Variants in ARAP1 observed in about 807,000 individuals in gnomAD.
The protein encoded by ARAP1 is ArfGAP with RhoGAP domain, ankyrin repeat and PH domain 1, also known as arf-GAP with Rho-GAP domain, ANK repeat and PH domain-containing protein 1.
Under a neutral mutation model 172.2 loss-of-function variants are expected in ARAP1, and 76 were observed. The observed-to-expected ratio is 0.44, with a 90% CI of 0.37 to 0.53. The LOEUF is 0.53. ARAP1 is among the 20% of genes least tolerant of loss of function. The pLI is 0.00. For missense variants in ARAP1, 1,686 were observed against 1,977.5 expected, an observed-to-expected ratio of 0.85 and a Z score of 2.80; for synonymous variants, 804 against 803.3, an observed-to-expected ratio of 1.00 and a Z score of -0.01.
chr11:72,730,164 C>T (rs762511842), intron 2 of ARAP1, among the ~76,000 whole-genome samples: 7 of 151,882 alleles, frequency 4.6e-5, no homozygotes, highest in Middle Eastern at 3.4e-3. Flanking sequence ...AAATAAGAAA[C>T]GGATCAATAA....
At chr11:72,685,896 C>T (rs1451710624) in intron 34 of ARAP1, 146 bp downstream of exon 34, 4 of 1,470,376 alleles carry the variant, frequency 2.7e-6, no homozygotes, top group Non-Finnish European at 3.8e-6. Flanking sequence ...ACCAAAGAGG[C>T]CTATGAGGGC....
chr11:72,746,000 T>A (rs1324212253), intron 1 of ARAP1, among the ~76,000 whole-genome samples: 3 of 152,180 alleles, frequency 2.0e-5, no homozygotes, highest in Admixed American at 1.3e-4. Flanking sequence ...CCCCTCAGGC[T>A]CTTGATCTCT....
chr11:72,697,476 T>A lies in ARAP1; in HGVS notation c.2800A>T (p.Ile934Leu), dbSNP rs753474354. 3 of 1,613,320 alleles carry A rather than the reference T, an allele frequency of 1.9e-6. No individual in the cohort carries two copies. Among genetic ancestry groups the A allele is most frequent in the Non-Finnish European group, 8.5e-7 (1 of 1,179,704 alleles). ...VLVERRRTLYIQGERRLDFMG... is the reference protein window; with the variant it reads ...VLVERRRTLYLQGERRLDFMG... Reference sequence around the variant, plus strand: ...AAGTCCAGCCGCCGCTCGCCCTGTATGTACAGTGTCCTGGGCCAGGGACAG... The same window carrying A: ...AAGTCCAGCCGCCGCTCGCCCTGTAAGTACAGTGTCCTGGGCCAGGGACAG... Residue 934 changes from isoleucine (I) to leucine (L), a missense_variant, in exon 21 of 35, where the codon ATA becomes TTA. Around this residue, in one of 5 missense-constraint regions of ARAP1, gnomAD observed 274 missense variants for 262.7 expected, o/e 1.04. Transcript: ENST00000393609.
rs190535223 is a variant in ARAP1, at chr11:72,721,904, G to A, written c.509+4716C>T. On this transcript the variant is annotated intron_variant, in intron 3 of 34. Transcript: ENST00000393609. The stretch of plus-strand genomic sequence containing the variant: ...AGGACTCCCACAGCTCCGGCCAGGC[G>A]GGCTGCGTATGCCCAAGAATGTCGT... 295 of 985,918 alleles carry A rather than the reference G, an allele frequency of 3.0e-4. No homozygotes were observed. The African/African-American group carries it at 4.4e-3, about 15-fold the overall frequency. 61.1% of individuals were successfully genotyped at this position (985,918 alleles called of 1,614,324 possible). A position where few individuals can be genotyped will look rare whatever the true frequency, so the allele number is the denominator to read the frequency against.
In ARAP1 at chr11:72,697,978, C is replaced by G. The variant is rs781704758; in HGVS notation, c.2670G>C (p.Glu890Asp). 4 of 1,611,422 alleles carry G rather than the reference C, an allele frequency of 2.5e-6. No individual in the cohort carries two copies. The highest frequency in any genetic ancestry group is 3.4e-6 in the Non-Finnish European group (4 of 1,179,208). Residue 890 changes from glutamate to aspartate, a missense_variant, in exon 19 of 35, where the codon GAG becomes GAC. Around this residue, in one of 5 missense-constraint regions of ARAP1, gnomAD observed 274 missense variants for 262.7 expected, o/e 1.04. Coordinates refer to ENST00000393609, the MANE Select transcript of ARAP1 (RefSeq NM_001040118.3). The part of the protein sequence containing the change: ...QEGWFSLSGS[E>D]LRAVFPEGPC... ...GCCCCTCCGGGAAGACAGCACGGAG[C>G]TCCGAGCCACTGAGAGAGAACCAGC...
Position 72,693,587 on chromosome 11 carries a change from T to C in ARAP1, c.3808+105A>G. On this transcript the variant is annotated intron_variant, in intron 28 of 34. Transcript: ENST00000393609. The surrounding 1 kb of genome is among the most constrained non-coding windows in gnomAD (Gnocchi z 4.6). ...GCCTCTCCATAGAGGCCCACCCACT[T>C]GGCGCCCTCTGTCTGAGCTGTTCCT... 6.5e-7 allele frequency: 1 copy of C among 1,530,742 alleles called. No homozygotes were observed. The highest frequency in any genetic ancestry group is 8.8e-7 in the Non-Finnish European group (1 of 1,133,458). 94.8% of individuals were successfully genotyped at this position (1,530,742 alleles called of 1,614,324 possible).
chr11:72,750,174 C>G (rs1489188088), intron 1 of ARAP1, among the ~76,000 whole-genome samples: 1 of 152,188 alleles, frequency 6.6e-6, no homozygotes, highest in Non-Finnish European at 1.5e-5. Context: ...GTAGAGGGGA[C>G]AGCTGGTGAA....
chr11:72,752,365 AC>A lies in ARAP1; in HGVS notation c.-166del, dbSNP rs1474816496. On this transcript the variant is annotated 5_prime_UTR_variant, in exon 1 of 35. Coordinates refer to ENST00000393609, the MANE Select transcript of ARAP1 (RefSeq NM_001040118.3). ...AAGACTCCACGCGGGGACCAGGCGT[AC>A]CGGCGCCGCCACCGACTTACACCGC... 1.3e-5 allele frequency: 2 copies of A among 152,278 alleles called. No homozygotes were observed. Among genetic ancestry groups the A allele is most frequent in the African/African-American group, 4.8e-5 (2 of 41,434 alleles). The allele number at this position is 152,278 out of a possible 1,614,324, so 9.4% of individuals were successfully genotyped here.
At chr11:72,713,576 G>A (rs747437578) in intron 4 of ARAP1, among the ~76,000 whole-genome samples, 9 of 152,102 alleles carry the variant, frequency 5.9e-5, no homozygotes, top group Admixed American at 3.3e-4. Context: ...GGCCAGGCGC[G>A]GTGGCTCATG....
chr11:72,739,557 C>G (rs1178331112), intron 1 of ARAP1, among the ~76,000 whole-genome samples: 2 of 152,202 alleles, frequency 1.3e-5, no homozygotes, highest in African/African-American at 2.4e-5. Flanking sequence ...AGTCCTGGCT[C>G]CACCATTTCT....
rs1855756422 is a variant in ARAP1 at position 72,687,852 on chromosome 11, G to A, written c.4071-114C>T. ...GCCAGAGCCAGAGCCAGAGTTCAGA[G>A]CCTTCTCACAAGAGTGGCACATCCT... On this transcript the variant is annotated intron_variant, in intron 31 of 34. Coordinates refer to ENST00000393609, the MANE Select transcript of ARAP1 (RefSeq NM_001040118.3). 4 of 1,285,464 alleles carry A rather than the reference G, an allele frequency of 3.1e-6. No homozygotes were observed. The Admixed American group carries it at 6.8e-5, about 22-fold the overall frequency. 79.6% of individuals were successfully genotyped at this position (1,285,464 alleles called of 1,614,324 possible). A position where few individuals can be genotyped will look rare whatever the true frequency, so the allele number is the denominator to read the frequency against.
intron 1 of ARAP1, among the ~76,000 whole-genome samples, chr11:72,732,798 TAAG>T (rs1565230370): frequency 6.6e-6 from 1 of 151,734 alleles, no homozygotes; most frequent in Non-Finnish European, 1.5e-5. Context: ...CTGGGCAACA[TAAG>T]AAGACCCCAT....
intron 2 of ARAP1, among the ~76,000 whole-genome samples, chr11:72,730,751 C>T (rs1251782155): frequency 6.6e-6 from 1 of 152,178 alleles, no homozygotes; most frequent in East Asian, 1.9e-4. Context: ...AGGCACTTAG[C>T]CTGCATTTTT....
rs891515948 is a variant in ARAP1, at chr11:72,711,511, G to A, written c.1023-12C>T. ...GATAGATGTAAGATCTGGAGAGGGA[G>A]AGGGACAACAAGCAAATGACCGGGG... On this transcript the variant is annotated splice_polypyrimidine_tract_variant and intron_variant, in intron 7 of 34. Transcript: ENST00000393609. The A allele has an allele frequency of 3.1e-6, 5 of 1,606,800 alleles. No individual in the cohort carries two copies. Among genetic ancestry groups the A allele is most frequent in the Admixed American group, 1.7e-5 (1 of 59,882 alleles).
chr11:72,728,851 A>G (rs987799257), intron 2 of ARAP1, among the ~76,000 whole-genome samples: 2 of 152,234 alleles, frequency 1.3e-5, no homozygotes, highest in Non-Finnish European at 2.9e-5. Context: ...GAGATTAATG[A>G]TGTCTAAGTT....
chr11:72,696,886 T>C (rs910016185), intron 22 of ARAP1, 97 bp downstream of exon 22: 107 of 1,299,860 alleles, frequency 8.2e-5, no homozygotes, highest in Admixed American at 1.8e-4. Context: ...GCCTGTGGGT[T>C]AGGGTAAGCC....
At chr11:72,720,215 C>T (rs1313147731) in intron 3 of ARAP1, among the ~76,000 whole-genome samples, 1 of 152,202 alleles carries the variant, frequency 6.6e-6, no homozygotes, top group African/African-American at 2.4e-5. Context: ...CTGATGTCTC[C>T]ATTCCACAGG....
At position 72,698,101 on chromosome 11, in the gene ARAP1, G is replaced by A. The variant is rs376783350; in HGVS notation, c.2547C>T (p.Phe849=). Residue 849 remains phenylalanine, a synonymous_variant, in exon 19 of 35, where the codon TTC becomes TTT. Coordinates refer to ENST00000393609, the MANE Select transcript of ARAP1 (RefSeq NM_001040118.3). ...GCAGATCCTCGGCTAGGGGAGGCAC[G>A]AATGCCTGGCAGAGAGGCGCCGGGG... The part of the protein sequence containing the change: ...HEWVKCIAKA[F]VPPLAEDLLA... 5.8e-4 allele frequency: 917 copies of A among 1,594,000 alleles called. No individual in the cohort carries two copies. Among genetic ancestry groups the A allele is most frequent in the Non-Finnish European group, 7.4e-4 (866 of 1,171,130 alleles).
chr11:72,697,619 A>T lies in ARAP1; in HGVS notation c.2768T>A (p.Leu923Gln). ...TCACCTCCTTCGCTCCACCAGCACCAGCACCTGGTTCTCACTGTCCCCCTG... is the reference window on the plus strand; with the variant it reads ...TCACCTCCTTCGCTCCACCAGCACCTGCACCTGGTTCTCACTGTCCCCCTG... ...SIQGDSENQV[L>Q]VLVERRRTLY... The change falls in exon 20 of 35, where the codon CTG (leucine) becomes CAG (glutamine). Residue 923 changes from leucine to glutamine, a missense_variant. Physicochemically the swap from Leu to Gln is moderately radical, Grantham distance 113. Coordinates refer to ENST00000393609, the MANE Select transcript of ARAP1 (RefSeq NM_001040118.3). 1 of 1,614,114 alleles carries T rather than the reference A, an allele frequency of 6.2e-7. No individual in the cohort carries two copies. The highest frequency in any genetic ancestry group is 8.5e-7 in the Non-Finnish European group (1 of 1,179,984).
Sources: gnomAD v4.1 joint callset for allele counts (sites outside exome capture counted in the v4.1 genomes callset) on GRCh38, gnomAD v4.1.1 for gene constraint, gnomAD v4.1.1 regional missense constraint, Gnocchi (gnomAD v3.1) non-coding constraint, MANE v1.5 for transcripts, NCBI Gene and HGNC (gene_info 2026-07-23, HGNC 2026-07-21) for gene names.